DCC: variants seen among roughly 807,000 people sequenced by gnomAD.
DCC encodes DCC netrin 1 receptor, also known as netrin receptor DCC.
DCC carries 58 observed loss-of-function variants against 172.5 expected under a neutral mutation model. That is an observed-to-expected ratio of 0.34 (90% CI 0.27 to 0.42). The LOEUF (loss-of-function observed/expected upper bound fraction) is 0.42. Among genes scored for constraint, DCC ranks in the 10% least tolerant of loss-of-function variants. The probability of loss-of-function intolerance (pLI) is 1.00; values close to 1 mark genes in which losing one functional copy is unlikely to be tolerated. For missense variants in DCC, 1,740 were observed against 1,791.0 expected, an observed-to-expected ratio of 0.97 and a Z score of 0.51; for synonymous variants, 709 against 644.5, an observed-to-expected ratio of 1.10 and a Z score of -1.52.
intron 2 of DCC, among the ~76,000 whole-genome samples, chr18:52,855,536 C>T (rs1238745633): frequency 6.6e-6 from 1 of 152,158 alleles, no homozygotes; most frequent in African/African-American, 2.4e-5. Context: ...GTTGCAAGTT[C>T]ACTTCTAGCT....
chr18:52,506,363 C>A (rs1479978699), intron 1 of DCC, among the ~76,000 whole-genome samples: 1 of 151,912 alleles, frequency 6.6e-6, no homozygotes, highest in African/African-American at 2.4e-5. Flanking sequence ...TTAAGGTTGA[C>A]CTGTGAAAAC....
chr18:52,376,001 C>T (rs1205913114), intron 1 of DCC, among the ~76,000 whole-genome samples: 2 of 152,176 alleles, frequency 1.3e-5, no homozygotes, highest in African/African-American at 4.8e-5. Context: ...GAAAACAACA[C>T]TACATGCTAG....
At chr18:52,605,986 A>G (rs1296048671) in intron 1 of DCC, among the ~76,000 whole-genome samples, 1 of 152,080 alleles carries the variant, frequency 6.6e-6, no homozygotes, top group Non-Finnish European at 1.5e-5. Flanking sequence ...TTTGCATACT[A>G]CAAAGAATGC....
intron 1 of DCC, among the ~76,000 whole-genome samples, chr18:52,718,901 C>T (rs1217099664): frequency 6.6e-6 from 1 of 152,190 alleles, no homozygotes; most frequent in Non-Finnish European, 1.5e-5. Flanking sequence ...AGGCATTTCA[C>T]AAATTGGATG....
At chr18:53,366,757 G>T (rs578171128) in intron 15 of DCC, among the ~76,000 whole-genome samples, 19 of 152,314 alleles carry the variant, frequency 1.2e-4, no homozygotes, top group African/African-American at 4.6e-4. Flanking sequence ...TTATGGTTGT[G>T]CATGGTTGTA....
chr18:53,259,022 G>A (rs1458941843), intron 12 of DCC, among the ~76,000 whole-genome samples: 6 of 152,112 alleles, frequency 3.9e-5, no homozygotes, highest in African/African-American at 1.4e-4. Context: ...TCAGAGACTA[G>A]GATTGCAACC....
intron 12 of DCC, among the ~76,000 whole-genome samples, chr18:53,247,994 A>G (rs1390942030): frequency 6.6e-6 from 1 of 151,930 alleles, no homozygotes; most frequent in African/African-American, 2.4e-5. Flanking sequence ...CAACCCATTA[A>G]CTGCTCCATG....
intron 2 of DCC, among the ~76,000 whole-genome samples, chr18:52,817,516 C>A (rs1192277295): frequency 6.6e-6 from 1 of 152,014 alleles, no homozygotes. Flanking sequence ...TTATTAGGTA[C>A]ATATTTTCAT....
chr18:52,906,106 C>T lies in DCC; in HGVS notation c.475C>T (p.Leu159Phe). 6 of 1,613,198 alleles carry T rather than the reference C, an allele frequency of 3.7e-6. No individual in the cohort carries two copies. The highest frequency in any genetic ancestry group is 3.4e-6 in the Non-Finnish European group (4 of 1,179,146). ...AGCCTTCATGGGAGACACAGTGCTA[C>T]TCAAGTGTGAAGTCATTGGGGAGCC... ...VTAFMGDTVL[L>F]KCEVIGEPMP... is the part of the protein sequence containing the mutation. The change falls in exon 3 of 29, where the codon CTC becomes TTC. Residue 159 changes from leucine (L) to phenylalanine (F), a missense_variant. Leu to Phe is a conservative substitution (Grantham distance 22). Coordinates refer to ENST00000442544, the MANE Select transcript of DCC (RefSeq NM_005215.4).
At chr18:53,400,909 T>C (rs1909256071) in intron 18 of DCC, among the ~76,000 whole-genome samples, 2 of 152,142 alleles carry the variant, frequency 1.3e-5, no homozygotes, top group South Asian at 4.1e-4. Flanking sequence ...AATTTTAACA[T>C]AGTTAAGACA....
chr18:52,748,720 G>A (rs189124176), intron 1 of DCC, among the ~76,000 whole-genome samples: 3 of 152,298 alleles, frequency 2.0e-5, no homozygotes, highest in Admixed American at 2.0e-4. Context: ...AGGTTGCTTG[G>A]ATAACTGGAG....
chr18:53,312,360 A>G (rs1486511096), intron 13 of DCC, among the ~76,000 whole-genome samples: 2 of 61,354 alleles, frequency 3.3e-5, no homozygotes, highest in Non-Finnish European at 6.9e-5. Context: ...AAAAAAAAAA[A>G]AAAGAAAAAG....
intron 1 of DCC, among the ~76,000 whole-genome samples, chr18:52,723,163 T>C (rs1258044908): frequency 6.6e-6 from 1 of 152,224 alleles, no homozygotes; most frequent in African/African-American, 2.4e-5. Flanking sequence ...TGTTCTCTTT[T>C]GTCTGCAGTG....
intron 1 of DCC, among the ~76,000 whole-genome samples, chr18:52,714,521 C>T (rs986448975): frequency 5.3e-5 from 8 of 152,108 alleles, no homozygotes; most frequent in African/African-American, 1.9e-4. Context: ...GCATACTGAA[C>T]TGGGAAGGAA....
chr18:53,306,997 G>C (rs557420031), intron 13 of DCC, among the ~76,000 whole-genome samples: 1 of 152,220 alleles, frequency 6.6e-6, no homozygotes, highest in African/African-American at 2.4e-5. Context: ...TTTTCTCTAC[G>C]CCAGATACTC....
chr18:52,815,738 A>G (rs1266105613), intron 2 of DCC, among the ~76,000 whole-genome samples: 1 of 152,242 alleles, frequency 6.6e-6, no homozygotes, highest in African/African-American at 2.4e-5. Context: ...TAAAACATCA[A>G]TAAATCATAA....
intron 1 of DCC, among the ~76,000 whole-genome samples, chr18:52,369,503 G>A (rs898879232): frequency 6.6e-6 from 1 of 151,970 alleles, no homozygotes; most frequent in Non-Finnish European, 1.5e-5. Context: ...GTGAATAATC[G>A]AAGAAGGCAG....
intron 5 of DCC, among the ~76,000 whole-genome samples, chr18:52,937,871 T>TA (rs2040403510): frequency 6.6e-6 from 1 of 151,990 alleles, no homozygotes; most frequent in Non-Finnish European, 1.5e-5. Flanking sequence ...AGTGTACACT[T>TA]GAGGGTGTTA....
chr18:52,856,399 G>C (rs980384756), intron 2 of DCC, among the ~76,000 whole-genome samples: 2 of 151,646 alleles, frequency 1.3e-5, no homozygotes, highest in African/African-American at 4.8e-5. Flanking sequence ...GCCGAGGCGG[G>C]CGTTTCACGA....
Sources: allele counts gnomAD v4.1 joint callset (sites outside exome capture counted in the v4.1 genomes callset), GRCh38; gene constraint gnomAD v4.1.1; transcripts MANE v1.5; gene names NCBI Gene and HGNC (gene_info 2026-07-23, HGNC 2026-07-21).